Variants in NUP210L observed in about 807,000 individuals in gnomAD.
The protein encoded by NUP210L is nuclear pore membrane glycoprotein 210-like.
In NUP210L, 74 loss-of-function variants were observed where a neutral mutation model predicts 208.5. That is an observed-to-expected ratio of 0.35 (90% CI 0.29 to 0.43). The LOEUF is 0.43. Ranked by LOEUF, NUP210L falls within the 20% of genes least tolerant of loss-of-function variation. The pLI, the probability that NUP210L is intolerant of heterozygous loss-of-function variation, is 1.00. For missense variants in NUP210L, 1,843 were observed against 2,289.4 expected, an observed-to-expected ratio of 0.81 and a Z score of 3.98; for synonymous variants, 780 against 816.9, an observed-to-expected ratio of 0.95 and a Z score of 0.77.
chr1:154,027,455 A>C (rs1651956069), intron 29 of NUP210L, 51 bp downstream of exon 29: 1 of 1,290,878 alleles, frequency 7.7e-7, no homozygotes, highest in Non-Finnish European at 1.1e-6. Flanking sequence ...TGTTTTACTG[A>C]AAATACTTAA....
intron 10 of NUP210L, among the ~76,000 whole-genome samples, chr1:154,120,535 G>A (rs1176720245): frequency 3.3e-5 from 5 of 150,906 alleles, no homozygotes; most frequent in Non-Finnish European, 7.4e-5. Context: ...TAAATGATAA[G>A]TTAATGGGTG....
chr1:154,034,510 G>A (rs746720331), intron 27 of NUP210L, among the ~76,000 whole-genome samples: 45 of 151,982 alleles, frequency 3.0e-4, no homozygotes, highest in Admixed American at 3.3e-4. Flanking sequence ...TGTATTTTTC[G>A]TAGAGATGGG....
At position 154,129,365 on chromosome 1, in the gene NUP210L, A is replaced by T. The variant is rs934100739; in HGVS notation, c.1010-20T>A. 6.5e-7 allele frequency: 1 copy of T among 1,548,508 alleles called. No individual in the cohort carries two copies. Among genetic ancestry groups the T allele is most frequent in the Non-Finnish European group, 8.9e-7 (1 of 1,125,434 alleles). On this transcript the variant is annotated intron_variant, in intron 7 of 39. Transcript: ENST00000368559. Reference sequence around the variant, plus strand: ...GAACATCTTAATTTTTGCTTAAGGAAATCATGTGAGCCAGAGTTGGGTGAA... The same window carrying T: ...GAACATCTTAATTTTTGCTTAAGGATATCATGTGAGCCAGAGTTGGGTGAA...
Position 154,126,004 on chromosome 1 carries a change from G to A in NUP210L, c.1326+319C>T, listed in dbSNP as rs981618001. Among the ~76,000 whole-genome samples the A allele has an allele frequency of 6.6e-5, 10 of 151,544 alleles. No homozygotes were observed. In the South Asian group the frequency reaches 1.7e-3, roughly 25 times the overall value. ...GGGATGGTCTCGATCTCCTGACCTC[G>A]TGATCCGCCCGCCTCGGCCTCCCAA... On this transcript the variant is annotated intron_variant, in intron 10 of 39. Transcript: ENST00000368559.
At chr1:154,113,073 C>T (rs1657122179) in intron 12 of NUP210L, among the ~76,000 whole-genome samples, 1 of 150,720 alleles carries the variant, frequency 6.6e-6, no homozygotes, top group Non-Finnish European at 1.5e-5. Flanking sequence ...AGGAGGATTG[C>T]TTGAGCCCAG....
At chr1:154,023,875 G>C (rs1651701136) in intron 30 of NUP210L, among the ~76,000 whole-genome samples, 1 of 151,262 alleles carries the variant, frequency 6.6e-6, no homozygotes, top group Non-Finnish European at 1.5e-5. Context: ...TGCAACCTCC[G>C]CCTCCTGGGT....
chr1:154,099,947 T>C (rs373518660), intron 14 of NUP210L, 51 bp downstream of exon 14: 34 of 1,571,622 alleles, frequency 2.2e-5, no homozygotes, highest in African/African-American at 8.1e-5. Flanking sequence ...TAAGCAGACA[T>C]AGTTAAGTCC....
chr1:154,139,692 A>G, intron 5 of NUP210L, 110 bp downstream of exon 5: 1 of 592,732 alleles, frequency 1.7e-6, no homozygotes, highest in Middle Eastern at 3.7e-4. Context: ...ACAAACAAAA[A>G]AAAAAAAAAA....
intron 17 of NUP210L, among the ~76,000 whole-genome samples, chr1:154,063,656 T>C (rs771959200): frequency 2.0e-5 from 3 of 152,172 alleles, no homozygotes; most frequent in Non-Finnish European, 2.9e-5. Context: ...TAAATAAATG[T>C]ATGATAAATC....
chr1:154,135,702 T>G, intron 7 of NUP210L, 112 bp downstream of exon 7: 13 of 936,844 alleles, frequency 1.4e-5, no homozygotes, highest in Non-Finnish European at 2.0e-5. Context: ...ATTACAGGCG[T>G]GAGCCACCGC....
chr1:154,054,210 A>T lies in NUP210L; in HGVS notation c.3483+18T>A. 1 of 1,613,260 alleles carries T rather than the reference A, an allele frequency of 6.2e-7. No individual in the cohort carries two copies. The highest frequency in any genetic ancestry group is 8.5e-7 in the Non-Finnish European group (1 of 1,179,248). ...CTCAATAGAAGAATAGAAGCAGAGC[A>T]GAGCAAATAACCAATACCTGAGAAA... On this transcript the variant is annotated intron_variant, in intron 25 of 39. Coordinates refer to ENST00000368559, the Ensembl canonical transcript of NUP210L.
chr1:154,118,718 C>A lies in NUP210L; in HGVS notation c.1417G>T (p.Ala473Ser), dbSNP rs779407203. The change falls in exon 11 of 40, where the codon GCA becomes TCA. Residue 473 changes from alanine (A) to serine (S), a missense_variant. Coordinates refer to ENST00000368559, the Ensembl canonical transcript of NUP210L. ...ATTCCCATAGGATGATGAGGAAATG[C>A]CAGAAATTTGGGTGTAAGCATGATG... 2 of 1,607,620 alleles carry A rather than the reference C, an allele frequency of 1.2e-6. No homozygotes were observed. Among genetic ancestry groups the A allele is most frequent in the Non-Finnish European group, 8.5e-7 (1 of 1,175,652 alleles).
chr1:154,073,244 AT>A (rs1030129006), intron 16 of NUP210L, among the ~76,000 whole-genome samples: 3 of 152,110 alleles, frequency 2.0e-5, no homozygotes, highest in African/African-American at 7.2e-5. Context: ...TGCTGCAAGA[AT>A]TTTTTTATTT....
At chr1:154,106,739 G>A (rs764885024) in intron 12 of NUP210L, among the ~76,000 whole-genome samples, 35 of 152,196 alleles carry the variant, frequency 2.3e-4, no homozygotes, top group Admixed American at 5.2e-4. Flanking sequence ...GAATTCTCCC[G>A]GATCTTACCT....
At chr1:154,059,277 G>A (rs1359093280) in intron 20 of NUP210L, among the ~76,000 whole-genome samples, 3 of 151,766 alleles carry the variant, frequency 2.0e-5, no homozygotes, top group African/African-American at 7.3e-5. Flanking sequence ...TGAGGATGCA[G>A]GGAGTTGAGA....
Position 154,118,819 on chromosome 1 carries a change from AG to A in NUP210L, c.1327-12del. 1 of 1,510,308 alleles carries A rather than the reference AG, an allele frequency of 6.6e-7. No individual in the cohort carries two copies. The highest frequency in any genetic ancestry group is 9.1e-7 in the Non-Finnish European group (1 of 1,097,690). The allele number at this position is 1,510,308 out of a possible 1,614,324, so 93.6% of individuals were successfully genotyped here. A position where few individuals can be genotyped will look rare whatever the true frequency, so the allele number is the denominator to read the frequency against. On this transcript the variant is annotated splice_polypyrimidine_tract_variant and intron_variant, in intron 10 of 39. Transcript: ENST00000368559. Reference sequence around the variant, plus strand: ...CTGAATATCTTTATTCTATAAGAGCAGGAAAAAAGGAGCAAAATATATTTAT... The same window carrying A: ...CTGAATATCTTTATTCTATAAGAGCAGAAAAAAGGAGCAAAATATATTTAT...
chr1:154,008,510 C>G (rs1324301093), intron 35 of NUP210L, among the ~76,000 whole-genome samples: 3 of 152,136 alleles, frequency 2.0e-5, no homozygotes, highest in Non-Finnish European at 4.4e-5. Flanking sequence ...AGTTCGAGAC[C>G]AGCCTGACCA....
chr1:154,132,200 C>T (rs1658297833), intron 7 of NUP210L, among the ~76,000 whole-genome samples: 1 of 152,226 alleles, frequency 6.6e-6, no homozygotes. Context: ...TAGCATTACA[C>T]AATTTTGTCT....
intron 3 of NUP210L, among the ~76,000 whole-genome samples, chr1:154,142,765 T>G (rs2148146889): frequency 6.6e-6 from 1 of 152,124 alleles, no homozygotes; most frequent in Admixed American, 6.6e-5. Context: ...GGCGCGTGCC[T>G]GTATTCCCAG....
Sources: gnomAD v4.1 joint callset for allele counts (sites outside exome capture counted in the v4.1 genomes callset) on GRCh38, gnomAD v4.1.1 for gene constraint, MANE v1.5 for transcripts, NCBI Gene and HGNC (gene_info 2026-07-23, HGNC 2026-07-21) for gene names.